NOC2L: variants seen among roughly 807,000 people sequenced by gnomAD.
NOC2L encodes the protein NOC2 like nucleolar associated transcriptional repressor.
NOC2L carries 101 observed loss-of-function variants against 94.2 expected under a neutral mutation model. The observed-to-expected ratio is 1.07, with a 90% CI of 0.91 to 1.26. The LOEUF is 1.26. Ranked by LOEUF, NOC2L falls within the 50% of genes most tolerant of loss-of-function variation. NOC2L has a pLI of 0.00. For synonymous variants in NOC2L, 531 were observed against 413.4 expected, an observed-to-expected ratio of 1.28 and a Z score of -3.45; for missense variants, 1,076 against 980.1, an observed-to-expected ratio of 1.10 and a Z score of -1.31.
chr1:958,588 C>G, intron 2 of NOC2L: 1 of 501,230 alleles, frequency 2.0e-6, no homozygotes, highest in Non-Finnish European at 3.9e-6. Flanking sequence ...TCCCCTGCAA[C>G]TCTCTCTTCA....
At chr1:947,877 C>T (rs946769146) in intron 14 of NOC2L, among the ~76,000 whole-genome samples, 10 of 152,252 alleles carry the variant, frequency 6.6e-5, no homozygotes, top group Non-Finnish European at 5.9e-5. Context: ...CCTTGTGGTT[C>T]CCACCTGGGG....
rs751225118 is a variant in NOC2L, at chr1:946,330, A to AT, written c.1804-45_1804-44insA. The AT allele has an allele frequency of 1.5e-4, 238 of 1,611,326 alleles. No homozygotes were observed. The Middle Eastern group carries it at 1.5e-3, about 10-fold the overall frequency. On this transcript the variant is annotated intron_variant, in intron 15 of 18. Transcript: ENST00000327044. ...TCAGGGTCATGCCTCACCCTGGGCA[A>AT]ACCCCCACATGTAGCTGGGGCTATA...
At position 956,126 on chromosome 1, in the gene NOC2L, C is replaced by T. The variant is rs151303352; in HGVS notation, c.576G>A (p.Glu192=). 1 of 1,613,936 alleles carries T rather than the reference C, an allele frequency of 6.2e-7. No individual in the cohort carries two copies. Among genetic ancestry groups the T allele is most frequent in the African/African-American group, 1.3e-5 (1 of 74,932 alleles). Residue 192 remains glutamate (E), a synonymous_variant, in exon 5 of 19, where the codon GAG becomes GAA. Transcript: ENST00000327044. ...ATTRGDQESA[E]ANKFQVTDSA... ...TGTCCGTGACCTGGAATTTGTTGGC[C>T]TCAGCACTTTCCTGGTCCCCTCGGG...
intron 10 of NOC2L, 134 bp from the exon 11 acceptor site, chr1:952,273 T>G: frequency 2.2e-6 from 3 of 1,392,274 alleles, no homozygotes; most frequent in Non-Finnish European, 3.0e-6. Flanking sequence ...TTCCCCCACC[T>G]GCAAGGACCG....
At chr1:946,062 T>G in intron 16 of NOC2L, 111 bp downstream of exon 16, 1 of 820,096 alleles carries the variant, frequency 1.2e-6, no homozygotes. Context: ...GGCACGGCCC[T>G]GGCCGCCTGG....
chr1:957,376 G>A, intron 2 of NOC2L, 103 bp from the exon 3 acceptor site: 1 of 1,133,504 alleles, frequency 8.8e-7, no homozygotes. Flanking sequence ...TTACCAACTA[G>A]CAAGACAGGA....
rs989841479 is a variant in NOC2L at position 944,402 on chromosome 1, G to A, written c.*292C>T. 2 of 1,227,946 alleles carry A rather than the reference G, an allele frequency of 1.6e-6. No individual in the cohort carries two copies. Among genetic ancestry groups the A allele is most frequent in the African/African-American group, 3.1e-5 (2 of 63,592 alleles). 76.1% of individuals were successfully genotyped at this position (1,227,946 alleles called of 1,614,324 possible). ...GGTGGAAGGGGCCAGGGGCCTGCAG[G>A]CCTCCCCCTGGAACTGGGACTGGTC... is the stretch of plus-strand genomic sequence containing the variant. On this transcript the variant is annotated 3_prime_UTR_variant, in exon 19 of 19. Transcript: ENST00000327044.
At chr1:952,260 C>A in intron 10 of NOC2L, 121 bp from the exon 11 acceptor site, 4 of 1,409,248 alleles carry the variant, frequency 2.8e-6, no homozygotes, top group South Asian at 2.6e-5. Context: ...AACCCATCCA[C>A]CCTTCCCCCA....
rs1179882781 is a variant in NOC2L at position 957,145 on chromosome 1, G to A, written c.308C>T (p.Ser103Phe). 37 of 1,614,084 alleles carry A rather than the reference G, an allele frequency of 2.3e-5. No individual in the cohort carries two copies. The East Asian group carries it at 7.8e-4, about 34-fold the overall frequency. The change falls in exon 3 of 19, where the codon TCT (serine) becomes TTT (phenylalanine). Residue 103 changes from serine to phenylalanine, a missense_variant. Ser to Phe is a radical substitution (Grantham distance 155). Around this residue, in one of 3 missense-constraint regions of NOC2L, gnomAD observed 457 missense variants for 386.0 expected, o/e 1.18. Transcript: ENST00000327044. ...GTGGAACGGCCCCTCTTCCTCCTCA[G>A]AGCTGTCCGAGTCGCTGAAGTTTAG... The part of the protein sequence containing the change: ...SLLNFSDSDS[S>F]EEEEGPFHSL...
Position 946,277 on chromosome 1 carries a change from C to T in NOC2L, c.1813G>A (p.Glu605Lys). The T allele has an allele frequency of 1.2e-6, 2 of 1,613,478 alleles. No homozygotes were observed. Among genetic ancestry groups the T allele is most frequent in the Non-Finnish European group, 1.7e-6 (2 of 1,179,652 alleles). ...GTCCCCTCTTCCCGGGTCAGCTTCTCCCAGGCTTCCTGGGGGGTTGGGGGA... is the reference window on the plus strand; with the variant it reads ...GTCCCCTCTTCCCGGGTCAGCTTCTTCCAGGCTTCCTGGGGGGTTGGGGGA... ...VSEQQAVEAWEKLTREEGTPL... is the reference protein window; with the variant it reads ...VSEQQAVEAWKKLTREEGTPL... The change falls in exon 16 of 19, where the codon GAG (glutamate) becomes AAG (lysine). Residue 605 changes from glutamate (E) to lysine (K), a missense_variant. Glu to Lys is a moderately conservative substitution (Grantham distance 56). Transcript: ENST00000327044.
At position 952,546 on chromosome 1, in the gene NOC2L, G is replaced by A. The variant is rs1642288507; in HGVS notation, c.1057C>T (p.Pro353Ser). ...NCKFTSPGALPFISFMQWTLT... is the reference protein window; with the variant it reads ...NCKFTSPGALSFISFMQWTLT... ...GTCCACTGCATGAAACTGATGAAGG[G>A]GAGGGCACCAGGCGAGGTGAACTTG... The change falls in exon 10 of 19, where the codon CCC (proline) becomes TCC (serine). Residue 353 changes from proline to serine, a missense_variant. Physicochemically the swap from Pro to Ser is moderately conservative, Grantham distance 74. This residue lies in a region of NOC2L where 615 missense variants were observed against 577.4 expected (regional missense o/e 1.07). Coordinates refer to ENST00000327044, the MANE Select transcript of NOC2L (RefSeq NM_015658.4). 3.1e-6 allele frequency: 5 copies of A among 1,613,820 alleles called. No individual in the cohort carries two copies. Among genetic ancestry groups the A allele is most frequent in the Admixed American group, 3.3e-5 (2 of 60,014 alleles).
intron 12 of NOC2L, among the ~76,000 whole-genome samples, chr1:949,577 C>T (rs1642198899): frequency 6.6e-6 from 1 of 152,188 alleles, no homozygotes; most frequent in African/African-American, 2.4e-5. Context: ...GAGGGGCCTA[C>T]AGGGTGCGGC....
At chr1:951,279 G>A in intron 11 of NOC2L, 41 bp from the exon 12 acceptor site, 3 of 1,438,942 alleles carry the variant, frequency 2.1e-6, no homozygotes, top group East Asian at 2.5e-5. Flanking sequence ...CCCCGGCTCT[G>A]GCAGCCCCTG....
chr1:946,343 A>T (rs1334763271), intron 15 of NOC2L, 57 bp from the exon 16 acceptor site: 1 of 1,612,006 alleles, frequency 6.2e-7, no homozygotes, highest in Admixed American at 1.7e-5. Flanking sequence ...CCCCACATGT[A>T]GCTGGGGCTA....
intron 12 of NOC2L, 60 bp from the exon 13 acceptor site, chr1:948,663 C>G: frequency 7.3e-7 from 1 of 1,375,938 alleles, no homozygotes; most frequent in Non-Finnish European, 1.0e-6. Context: ...TGGCTTCACC[C>G]TGGCTGCACC....
intron 2 of NOC2L, chr1:958,056 C>T (rs1642463670): frequency 1.3e-5 from 2 of 149,698 alleles, no homozygotes; most frequent in South Asian, 4.2e-4. Flanking sequence ...AAACAACCAC[C>T]TCCGCTTTTT....
intron 12 of NOC2L, 99 bp downstream of exon 12, chr1:951,028 C>T (rs905014198): frequency 1.5e-5 from 14 of 922,752 alleles, no homozygotes; most frequent in South Asian, 7.0e-5. Flanking sequence ...GCCAGGGCTC[C>T]GGGAAGTCGC....
chr1:959,024 G>GCAA lies in NOC2L; in HGVS notation c.83_84insTTG (p.Ser28_Glu29insCys). 1.2e-6 allele frequency: 2 copies of GCAA among 1,612,352 alleles called. 1 individual carries two copies. ...GTGGAGAATTTTCGGACTCGGATTC[G>GCAA]GACTCGGAGTCAAAGCCCGAAGCTA... On this transcript the variant is annotated inframe_insertion, in exon 2 of 19. Transcript: ENST00000327044.
intron 12 of NOC2L, among the ~76,000 whole-genome samples, chr1:949,918 G>A (rs148205702): frequency 1.3e-5 from 2 of 152,314 alleles, no homozygotes; most frequent in East Asian, 3.9e-4. Flanking sequence ...ACACGACTCT[G>A]GGCCTTCATG....
Sources: allele counts gnomAD v4.1 joint callset (sites outside exome capture counted in the v4.1 genomes callset), GRCh38; gene constraint gnomAD v4.1.1; regional missense constraint gnomAD v4.1.1; transcripts MANE v1.5; gene names NCBI Gene and HGNC (gene_info 2026-07-23, HGNC 2026-07-21).